LARS2: variants seen among roughly 807,000 people sequenced by gnomAD.
LARS2 encodes leucine--tRNA ligase, mitochondrial.
A neutral mutation model predicts 116.6 loss-of-function variants in LARS2; 81 were observed. That is an observed-to-expected ratio of 0.69 (90% confidence interval 0.58 to 0.84). The LOEUF is 0.84. Ranked by LOEUF, LARS2 falls within the 40% of genes least tolerant of loss-of-function variation. The pLI, the probability that LARS2 is intolerant of heterozygous loss-of-function variation, is 0.00. For missense variants in LARS2, 968 were observed against 1,114.5 expected (o/e 0.87, Z 1.87); for synonymous variants, 396 against 407.2 (o/e 0.97, Z 0.33).
intron 16 of LARS2, among the ~76,000 whole-genome samples, chr3:45,514,280 C>T (rs530226920): frequency 1.5e-3 from 235 of 152,102 alleles, no homozygotes; most frequent in African/African-American, 5.1e-3. Context: ...AAACCCCCAG[C>T]ACTGTGACCA....
intron 21 of LARS2, among the ~76,000 whole-genome samples, chr3:45,542,296 A>G (rs1231442730): frequency 2.6e-5 from 4 of 152,220 alleles, no homozygotes; most frequent in African/African-American, 9.6e-5. Flanking sequence ...TTTCACTCGT[A>G]TGCTCCTGGG....
At chr3:45,456,442 G>A (rs990350000) in intron 7 of LARS2, among the ~76,000 whole-genome samples, 2 of 152,134 alleles carry the variant, frequency 1.3e-5, no homozygotes, top group African/African-American at 4.8e-5. Context: ...AATTAGCTGG[G>A]CGTGGTGGTG....
rs761923130 is a variant in LARS2 at position 45,394,726 on chromosome 3, G to A, written c.234+39G>A. 8.8e-6 allele frequency: 13 copies of A among 1,475,054 alleles called. No homozygotes were observed. In the African/African-American group the frequency reaches 1.7e-4, roughly 19 times the overall value. 91.4% of individuals were successfully genotyped at this position (1,475,054 alleles called of 1,614,324 possible). On this transcript the variant is annotated intron_variant, in intron 3 of 21. Coordinates refer to ENST00000645846, the MANE Select transcript of LARS2 (RefSeq NM_015340.4). ...GAGATTCTAAGAGGGTAGAGAAGAGGGGTTGAAGGTTTGGACCCTGGGGTT... is the reference window on the plus strand; with the variant it reads ...GAGATTCTAAGAGGGTAGAGAAGAGAGGTTGAAGGTTTGGACCCTGGGGTT...
intron 8 of LARS2, among the ~76,000 whole-genome samples, chr3:45,473,573 G>A (rs544588616): frequency 9.2e-5 from 14 of 151,772 alleles, no homozygotes; most frequent in Non-Finnish European, 1.9e-4. Flanking sequence ...TAGTAGAGAC[G>A]GGGTTTCACC....
intron 15 of LARS2, among the ~76,000 whole-genome samples, chr3:45,512,095 T>C (rs912869443): frequency 1.3e-5 from 2 of 152,124 alleles, no homozygotes; most frequent in African/African-American, 4.8e-5. Context: ...ATTTTGATCA[T>C]CCTACCTATC....
At chr3:45,525,553 T>C (rs1483198174) in intron 20 of LARS2, among the ~76,000 whole-genome samples, 3 of 152,226 alleles carry the variant, frequency 2.0e-5, no homozygotes, top group Non-Finnish European at 4.4e-5. Context: ...CAAGACTGAA[T>C]CAAGGTCCAG....
At chr3:45,419,807 G>A in intron 6 of LARS2, 78 bp downstream of exon 6, 1 of 1,194,228 alleles carries the variant, frequency 8.4e-7, no homozygotes. Context: ...CTTCCTCTTT[G>A]AGTTGGGAGA....
intron 12 of LARS2, 144 bp from the exon 13 acceptor site, chr3:45,491,373 G>A: frequency 1.3e-6 from 1 of 758,168 alleles, no homozygotes. Context: ...AAGCACCTAG[G>A]GCTCATGAAA....
At chr3:45,389,569 A>G (rs546092177) in intron 1 of LARS2, among the ~76,000 whole-genome samples, 1 of 152,286 alleles carries the variant, frequency 6.6e-6, no homozygotes, top group South Asian at 2.1e-4. Context: ...CTTCACCTTA[A>G]GCTCCAACTG....
At chr3:45,500,929 C>G (rs540661806) in intron 15 of LARS2, among the ~76,000 whole-genome samples, 1 of 152,044 alleles carries the variant, frequency 6.6e-6, no homozygotes, top group East Asian at 2.0e-4. Context: ...AGCTCTTGTT[C>G]CTAAGCTTGG....
chr3:45,412,636 G>A (rs1014679632), intron 4 of LARS2, among the ~76,000 whole-genome samples: 12 of 152,194 alleles, frequency 7.9e-5, no homozygotes, highest in Non-Finnish European at 1.6e-4. Context: ...TGTGGATGCA[G>A]GAATTGAAGA....
chr3:45,432,887 C>G (rs1320754744), intron 6 of LARS2, among the ~76,000 whole-genome samples: 1 of 151,952 alleles, frequency 6.6e-6, no homozygotes, highest in Non-Finnish European at 1.5e-5. Flanking sequence ...CTGTGTCTTC[C>G]TGGTGATTTA....
chr3:45,487,603 A>G (rs1663401385), intron 11 of LARS2, among the ~76,000 whole-genome samples: 1 of 152,148 alleles, frequency 6.6e-6, no homozygotes, highest in Admixed American at 6.5e-5. Flanking sequence ...TTTTGCCACC[A>G]AGAGACATTT....
chr3:45,426,792 C>G lies in LARS2; in HGVS notation c.516+7063C>G, dbSNP rs115318074. On this transcript the variant is annotated intron_variant, in intron 6 of 21. Coordinates refer to ENST00000645846, the MANE Select transcript of LARS2 (RefSeq NM_015340.4). The stretch of plus-strand genomic sequence containing the variant: ...AGGGATGTCTCCTGGGGCTGCCCAG[C>G]AAATGTAGCTCTTCAAGGAAGTTAT... 5.8e-3 allele frequency among the ~76,000 whole-genome samples: 888 copies of G among 152,294 alleles called. 5 individuals carry two copies. The highest frequency in any genetic ancestry group is 0.013 in the Admixed American group (206 of 15,300).
intron 19 of LARS2, among the ~76,000 whole-genome samples, chr3:45,521,966 T>G (rs564072255): frequency 7.9e-5 from 12 of 152,072 alleles, no homozygotes; most frequent in Middle Eastern, 6.8e-3. Context: ...ATTAGCCAAG[T>G]GTGGTGGCAT....
rs148167639 is a variant in LARS2, at chr3:45,513,153, G to C, written c.1779G>C (p.Leu593=). ...MVKHREPFHK[L]LAQGLIKGQT... ...TCCTCAGGGAGCCTTTTCATAAGCT[G>C]CTGGCCCAAGGCCTTATCAAGGGGC... is the stretch of plus-strand genomic sequence containing the variant. The change falls in exon 16 of 22, where the codon CTG becomes CTC. Residue 593 remains leucine, a synonymous_variant. Transcript: ENST00000645846. 361 of 1,612,852 alleles carry C rather than the reference G, an allele frequency of 2.2e-4. No homozygotes were observed. The East Asian group carries it at 6.2e-3, about 28-fold the overall frequency.
intron 19 of LARS2, among the ~76,000 whole-genome samples, chr3:45,520,658 A>ACCT (rs1700438302): frequency 6.6e-6 from 1 of 151,826 alleles, no homozygotes; most frequent in African/African-American, 2.4e-5. Context: ...GAATTGTGAT[A>ACCT]CCTCCTCGGC....
At chr3:45,462,769 C>T (rs888834170) in intron 8 of LARS2, among the ~76,000 whole-genome samples, 10 of 152,286 alleles carry the variant, frequency 6.6e-5, no homozygotes, top group East Asian at 1.9e-4. Flanking sequence ...TCTTCTTGGG[C>T]GCATGGCTGT....
At chr3:45,403,112 CAAAAAA>C (rs1160287597) in intron 4 of LARS2, among the ~76,000 whole-genome samples, 21 of 85,408 alleles carry the variant, frequency 2.5e-4, no homozygotes, top group Non-Finnish European at 3.7e-4. Flanking sequence ...TCTCCAAAGA[CAAAAAA>C]AAAAAAAAAA....
Sources: gnomAD v4.1 joint callset for allele counts (sites outside exome capture counted in the v4.1 genomes callset) on GRCh38, gnomAD v4.1.1 for gene constraint, MANE v1.5 for transcripts, NCBI Gene and HGNC (gene_info 2026-07-23, HGNC 2026-07-21) for gene names.